The following KCNN2 variants were observed in gnomAD, a reference collection of about 807,000 sequenced individuals.
KCNN2 encodes small conductance calcium-activated potassium channel protein 2.
Under a neutral mutation model 55.5 loss-of-function variants are expected in KCNN2, and 24 were observed. The ratio of observed to expected loss-of-function variants is 0.43; its 90% confidence interval spans 0.31 to 0.61. The LOEUF (loss-of-function observed/expected upper bound fraction) is 0.61, where lower values mean the gene tolerates loss of function less well. Ranked by LOEUF, KCNN2 falls within the 20% of genes least tolerant of loss-of-function variation. The pLI is 0.08. For synonymous variants in KCNN2, 431 were observed against 336.1 expected (o/e 1.28, Z -3.09); for missense variants, 754 against 853.6 (o/e 0.88, Z 1.45).
At chr5:114,420,345 G>A (rs1447962272) in intron 3 of KCNN2, among the ~76,000 whole-genome samples, 1 of 152,236 alleles carries the variant, frequency 6.6e-6, no homozygotes, top group Non-Finnish European at 1.5e-5. Flanking sequence ...TCCTAGGGCA[G>A]TTATAAGGAT....
At chr5:114,227,100 C>G (rs2112599152) in intron 2 of KCNN2, among the ~76,000 whole-genome samples, 1 of 152,142 alleles carries the variant, frequency 6.6e-6, no homozygotes, top group Non-Finnish European at 1.5e-5. Flanking sequence ...TTATTACTGT[C>G]TGAAAAGTTT....
At chr5:114,434,320 C>A (rs573947041) in intron 3 of KCNN2, among the ~76,000 whole-genome samples, 1 of 152,034 alleles carries the variant, frequency 6.6e-6, no homozygotes. Context: ...TCTAGCATTT[C>A]TTTTTGGTTT....
intron 2 of KCNN2, among the ~76,000 whole-genome samples, chr5:114,323,151 C>T (rs576692649): frequency 1.7e-4 from 26 of 152,242 alleles, no homozygotes; most frequent in African/African-American, 6.0e-4. Context: ...AAGAGGAACC[C>T]CGGTTTACAT....
At chr5:114,224,375 A>C (rs1399303415) in intron 2 of KCNN2, among the ~76,000 whole-genome samples, 1 of 152,220 alleles carries the variant, frequency 6.6e-6, no homozygotes, top group Non-Finnish European at 1.5e-5. Context: ...TTGCTGAATT[A>C]ATGGAGTGTG....
At chr5:114,371,104 A>T (rs150843999) in intron 2 of KCNN2, among the ~76,000 whole-genome samples, 225 of 152,324 alleles carry the variant, frequency 1.5e-3, no homozygotes, top group South Asian at 4.4e-3. Flanking sequence ...GGGCCAATAC[A>T]AAGATGATTG....
intron 1 of KCNN2, among the ~76,000 whole-genome samples, chr5:114,187,722 G>T (rs1025837448): frequency 6.6e-6 from 1 of 151,072 alleles, no homozygotes; most frequent in African/African-American, 2.4e-5. Flanking sequence ...TAGCCAGGAT[G>T]GTCTCAATCT....
chr5:114,195,975 G>A (rs994839106), intron 1 of KCNN2, among the ~76,000 whole-genome samples: 8 of 151,964 alleles, frequency 5.3e-5, no homozygotes, highest in African/African-American at 1.9e-4. Context: ...TTGATATGGT[G>A]TGAGAGAGGT....
At chr5:114,366,053 G>GA (rs1352398703) in intron 2 of KCNN2, among the ~76,000 whole-genome samples, 1 of 152,080 alleles carries the variant, frequency 6.6e-6, no homozygotes, top group Non-Finnish European at 1.5e-5. Context: ...TTAACTATTT[G>GA]AAAAAATTGA....
intron 3 of KCNN2, among the ~76,000 whole-genome samples, chr5:114,441,391 G>A (rs1019369695): frequency 7.9e-5 from 12 of 152,044 alleles, no homozygotes; most frequent in Non-Finnish European, 1.2e-4. Context: ...CTTCCAGCAC[G>A]CATAGACTGT....
intron 3 of KCNN2, among the ~76,000 whole-genome samples, chr5:114,445,111 T>C (rs1303564685): frequency 6.6e-6 from 1 of 152,186 alleles, no homozygotes; most frequent in East Asian, 1.9e-4. Flanking sequence ...CATGTATATG[T>C]ATACATGCAA....
chr5:114,413,525 T>A (rs1759200102), intron 3 of KCNN2, among the ~76,000 whole-genome samples: 1 of 152,156 alleles, frequency 6.6e-6, no homozygotes, highest in South Asian at 2.1e-4. Flanking sequence ...TGACCTCAGG[T>A]GATTTGCCCA....
chr5:114,443,560 A>C (rs949361776), intron 3 of KCNN2, among the ~76,000 whole-genome samples: 2 of 152,236 alleles, frequency 1.3e-5, no homozygotes, highest in Non-Finnish European at 2.9e-5. Flanking sequence ...CAAGAACACA[A>C]GGATCTCAAA....
At chr5:114,225,540 A>G (rs1000934457) in intron 2 of KCNN2, among the ~76,000 whole-genome samples, 7 of 152,210 alleles carry the variant, frequency 4.6e-5, no homozygotes, top group African/African-American at 1.7e-4. Flanking sequence ...GTTGTGTTCA[A>G]TGATATATCT....
chr5:114,403,490 G>T (rs1375231743), intron 2 of KCNN2, among the ~76,000 whole-genome samples: 1 of 152,148 alleles, frequency 6.6e-6, no homozygotes, highest in African/African-American at 2.4e-5. Context: ...TCTCAGCATT[G>T]AAGCATGGCT....
intron 3 of KCNN2, among the ~76,000 whole-genome samples, chr5:114,405,726 T>C (rs995481423): frequency 4.9e-4 from 75 of 152,022 alleles, no homozygotes; most frequent in African/African-American, 1.7e-3. Context: ...GTTTTTTTTT[T>C]TTGAGACGGA....
At chr5:114,284,673 A>G (rs561351518) in intron 2 of KCNN2, among the ~76,000 whole-genome samples, 31 of 152,126 alleles carry the variant, frequency 2.0e-4, no homozygotes, top group African/African-American at 6.5e-4. Context: ...ATGCGCCACC[A>G]TACCCAGCTA....
chr5:114,119,867 A>G (rs1175851324), intron 1 of KCNN2, among the ~76,000 whole-genome samples: 1 of 152,156 alleles, frequency 6.6e-6, no homozygotes, highest in Non-Finnish European at 1.5e-5. Flanking sequence ...ACTGAGGCAG[A>G]CTTACTATGT....
chr5:114,203,211 G>A (rs1753709364), intron 1 of KCNN2, among the ~76,000 whole-genome samples: 2 of 152,048 alleles, frequency 1.3e-5, no homozygotes, highest in Middle Eastern at 3.2e-3. Context: ...ATATCTAATT[G>A]TATTTTAATA....
intron 6 of KCNN2, 43 bp from the exon 7 acceptor site, chr5:114,493,359 AT>A (rs1561419547): frequency 8.2e-7 from 1 of 1,212,706 alleles, no homozygotes; most frequent in Non-Finnish European, 1.2e-6. Flanking sequence ...TAAGATTGCC[AT>A]AGGAAGAAGG....
Sources: allele counts gnomAD v4.1 joint callset (sites outside exome capture counted in the v4.1 genomes callset), GRCh38; gene constraint gnomAD v4.1.1; transcripts MANE v1.5; gene names NCBI Gene and HGNC (gene_info 2026-07-23, HGNC 2026-07-21).